SEC63: variants seen among roughly 807,000 people sequenced by gnomAD.
SEC63 encodes translocation protein SEC63 homolog.
A neutral mutation model predicts 116.2 loss-of-function variants in SEC63; 56 were observed. The ratio of observed to expected loss-of-function variants is 0.48; its 90% CI spans 0.39 to 0.60. The LOEUF (loss-of-function observed/expected upper bound fraction) is 0.60, where lower values mean the gene tolerates loss of function less well. Among genes scored for constraint, SEC63 ranks in the 20% least tolerant of loss-of-function variants. The probability of loss-of-function intolerance (pLI) is 0.00; values close to 1 mark genes in which losing one functional copy is unlikely to be tolerated. For synonymous variants in SEC63, 273 were observed against 294.6 expected (o/e 0.93, Z 0.75); for missense variants, 668 against 900.0 (o/e 0.74, Z 3.30).
intron 14 of SEC63, among the ~76,000 whole-genome samples, chr6:107,896,425 C>CACT (rs2114432126): frequency 6.6e-6 from 1 of 152,190 alleles, no homozygotes; most frequent in South Asian, 2.1e-4. Context: ...AAGATTGCAC[C>CACT]ACTGCATTCC....
intron 1 of SEC63, among the ~76,000 whole-genome samples, chr6:107,939,769 A>T (rs2064199): frequency 0.51 from 77,675 of 151,360 alleles, 20,757 homozygotes; most frequent in South Asian, 0.61. Context: ...AAAATAATTT[A>T]AAAAAAAAAA....
chr6:107,952,172 A>ATTATAAGTACGC (rs1346523088), intron 1 of SEC63, among the ~76,000 whole-genome samples: 21 of 152,328 alleles, frequency 1.4e-4, no homozygotes, highest in African/African-American at 5.1e-4. Context: ...AGGGGTATTA[A>ATTATAAGTACGC]TTATAAGTAC....
chr6:107,887,031 G>A (rs9486743), intron 16 of SEC63, among the ~76,000 whole-genome samples: 148,705 of 152,228 alleles, frequency 0.98, 72,672 homozygotes, highest in African/African-American at 0.99. Flanking sequence ...TAAGTCTTTA[G>A]TCCACCTTGA....
chr6:107,919,862 T>C (rs1260871692), intron 4 of SEC63, among the ~76,000 whole-genome samples: 1 of 151,854 alleles, frequency 6.6e-6, no homozygotes, highest in Non-Finnish European at 1.5e-5. Context: ...GTTCTGTCCA[T>C]AAAATACTAT....
intron 1 of SEC63, among the ~76,000 whole-genome samples, chr6:107,950,114 G>A (rs1315705651): frequency 2.0e-5 from 3 of 152,102 alleles, no homozygotes; most frequent in Non-Finnish European, 2.9e-5. Flanking sequence ...CATGGAAACA[G>A]TAACCAAAAG....
At chr6:107,933,618 G>C (rs1475758327) in intron 1 of SEC63, among the ~76,000 whole-genome samples, 1 of 152,132 alleles carries the variant, frequency 6.6e-6, no homozygotes, top group East Asian at 1.9e-4. Context: ...AGAGGGAAAA[G>C]TGAATAACTA....
At chr6:107,951,444 A>G (rs572573451) in intron 1 of SEC63, among the ~76,000 whole-genome samples, 14 of 152,342 alleles carry the variant, frequency 9.2e-5, no homozygotes, top group African/African-American at 3.1e-4. Context: ...AAAGGCTAAC[A>G]CATTAGTTTT....
chr6:107,945,534 G>A (rs1160761424), intron 1 of SEC63, among the ~76,000 whole-genome samples: 1 of 151,812 alleles, frequency 6.6e-6, no homozygotes, highest in East Asian at 1.9e-4. Flanking sequence ...TCGATCTCTT[G>A]ACCTCGTGAT....
chr6:107,908,791 C>A, intron 8 of SEC63, 136 bp downstream of exon 8: 1 of 545,300 alleles, frequency 1.8e-6, no homozygotes. Flanking sequence ...TTTTCTCTAG[C>A]TTTAATTATA....
chr6:107,884,608 G>T (rs1336050298), intron 16 of SEC63, among the ~76,000 whole-genome samples: 3 of 152,020 alleles, frequency 2.0e-5, no homozygotes, highest in African/African-American at 7.2e-5. Flanking sequence ...TTTCCCTGGA[G>T]AATTCTTCCA....
intron 1 of SEC63, among the ~76,000 whole-genome samples, chr6:107,938,393 G>A (rs1330900130): frequency 6.6e-6 from 1 of 151,622 alleles, no homozygotes; most frequent in East Asian, 1.9e-4. Context: ...TGGGACTACA[G>A]GAAGATGCCA....
At chr6:107,909,498 A>T (rs989980207) in intron 7 of SEC63, among the ~76,000 whole-genome samples, 1 of 152,084 alleles carries the variant, frequency 6.6e-6, no homozygotes, top group Non-Finnish European at 1.5e-5. Flanking sequence ...TACAACAAGG[A>T]CCTCTTTCTT....
In SEC63 at chr6:107,938,603, C is replaced by T. The variant is rs559526914; in HGVS notation, c.125-9089G>A. Among the ~76,000 whole-genome samples the T allele has an allele frequency of 7.3e-5, 11 of 150,642 alleles. No individual in the cohort carries two copies. In the South Asian group the frequency reaches 2.3e-3, roughly 31 times the overall value. ...TTTTAGACGGAGTCTCACTCTGTCACCCAGGCTGGAGTGCAATGGCGTGAT... is the reference window on the plus strand; with the variant it reads ...TTTTAGACGGAGTCTCACTCTGTCATCCAGGCTGGAGTGCAATGGCGTGAT... On this transcript the variant is annotated intron_variant, in intron 1 of 20. Coordinates refer to ENST00000369002, the MANE Select transcript of SEC63 (RefSeq NM_007214.5).
intron 18 of SEC63, among the ~76,000 whole-genome samples, chr6:107,878,811 C>T (rs1487351271): frequency 2.6e-5 from 4 of 151,658 alleles, no homozygotes; most frequent in East Asian, 1.9e-4. Context: ...GCCAAGATTG[C>T]GCCACTGCAG....
intron 16 of SEC63, among the ~76,000 whole-genome samples, chr6:107,890,466 T>G (rs930688188): frequency 1.1e-4 from 16 of 152,194 alleles, no homozygotes; most frequent in African/African-American, 3.6e-4. Flanking sequence ...GTGTGTCTTT[T>G]CACGTGAGAT....
intron 14 of SEC63, among the ~76,000 whole-genome samples, chr6:107,895,566 G>C (rs1786794515): frequency 6.6e-6 from 1 of 151,878 alleles, no homozygotes; most frequent in Non-Finnish European, 1.5e-5. Context: ...ATATATATAT[G>C]TTTTTCCTAC....
intron 12 of SEC63, among the ~76,000 whole-genome samples, chr6:107,901,745 T>G (rs539487455): frequency 1.3e-5 from 2 of 152,214 alleles, no homozygotes; most frequent in East Asian, 3.9e-4. Flanking sequence ...AGGCTTATTT[T>G]TTTAAATTAG....
At chr6:107,900,353 AG>A (rs1435541471) in intron 13 of SEC63, among the ~76,000 whole-genome samples, 1 of 152,014 alleles carries the variant, frequency 6.6e-6, no homozygotes, top group Non-Finnish European at 1.5e-5. Context: ...CTCTCTTTAA[AG>A]ACACAAACCA....
At chr6:107,930,625 A>G (rs1162725153) in intron 1 of SEC63, among the ~76,000 whole-genome samples, 1 of 151,962 alleles carries the variant, frequency 6.6e-6, no homozygotes, top group Non-Finnish European at 1.5e-5. Flanking sequence ...CAAAAAAAAA[A>G]AGTAGAGTAA....
Sources: allele counts gnomAD v4.1 joint callset (sites outside exome capture counted in the v4.1 genomes callset), GRCh38; gene constraint gnomAD v4.1.1; transcripts MANE v1.5; gene names NCBI Gene and HGNC (gene_info 2026-07-23, HGNC 2026-07-21).